PRKCH: variants seen among roughly 807,000 people sequenced by gnomAD.
PRKCH encodes protein kinase C eta type.
Under a neutral mutation model 82.5 loss-of-function variants are expected in PRKCH, and 28 were observed. The ratio of observed to expected loss-of-function variants is 0.34; its 90% CI spans 0.25 to 0.47. PRKCH has a LOEUF of 0.47. Among genes scored for constraint, PRKCH ranks in the 20% least tolerant of loss-of-function variants. PRKCH has a pLI of 1.00. For synonymous variants in PRKCH, 322 were observed against 327.4 expected, an observed-to-expected ratio of 0.98 and a Z score of 0.18; for missense variants, 705 against 881.8, an observed-to-expected ratio of 0.80 and a Z score of 2.54.
intron 2 of PRKCH, among the ~76,000 whole-genome samples, chr14:61,425,300 A>G (rs1234121190): frequency 6.6e-6 from 1 of 152,212 alleles, no homozygotes; most frequent in Non-Finnish European, 1.5e-5. Flanking sequence ...ACACCAGCCT[A>G]TGAAAGCAGC....
chr14:61,465,392 A>AT (rs746006963), intron 9 of PRKCH, among the ~76,000 whole-genome samples: 9 of 152,154 alleles, frequency 5.9e-5, no homozygotes, highest in South Asian at 2.1e-4. Flanking sequence ...TTTTTCAGTG[A>AT]TTTTTTTATG....
intron 1 of PRKCH, among the ~76,000 whole-genome samples, chr14:61,241,538 A>T (rs901965190): frequency 6.6e-6 from 1 of 152,116 alleles, no homozygotes; most frequent in Non-Finnish European, 1.5e-5. Context: ...ACTCATTAGC[A>T]TACAAAAAGA....
chr14:61,456,226 G>A (rs1884760263), intron 7 of PRKCH, among the ~76,000 whole-genome samples: 1 of 152,178 alleles, frequency 6.6e-6, no homozygotes, highest in African/African-American at 2.4e-5. Flanking sequence ...GGAGAGGCTG[G>A]GTAGGTAACT....
At chr14:61,507,459 G>C (rs945143546) in intron 10 of PRKCH, among the ~76,000 whole-genome samples, 1 of 152,114 alleles carries the variant, frequency 6.6e-6, no homozygotes, top group African/African-American at 2.4e-5. Flanking sequence ...ATTGGAATCT[G>C]GATCTCAGAG....
At chr14:61,523,400 T>A (rs2042929217) in intron 10 of PRKCH, among the ~76,000 whole-genome samples, 1 of 152,198 alleles carries the variant, frequency 6.6e-6, no homozygotes, top group Non-Finnish European at 1.5e-5. Flanking sequence ...TGGGAAACAA[T>A]CTATCCGGGG....
At chr14:61,477,553 G>C (rs78946285) in intron 9 of PRKCH, among the ~76,000 whole-genome samples, 1 of 152,080 alleles carries the variant, frequency 6.6e-6, no homozygotes, top group Non-Finnish European at 1.5e-5. Context: ...AAAAAGTCTC[G>C]CTTACAGTAA....
intron 10 of PRKCH, among the ~76,000 whole-genome samples, chr14:61,494,823 A>G (rs1400668060): frequency 6.6e-6 from 1 of 152,254 alleles, no homozygotes; most frequent in Admixed American, 6.5e-5. Flanking sequence ...ACCAGTCTCT[A>G]TAGTAAACTC....
intron 2 of PRKCH, among the ~76,000 whole-genome samples, chr14:61,406,648 A>T (rs1881967898): frequency 6.6e-6 from 1 of 152,188 alleles, no homozygotes; most frequent in Non-Finnish European, 1.5e-5. Context: ...AATTTCATTC[A>T]TCTTATATTT....
intron 1 of PRKCH, among the ~76,000 whole-genome samples, chr14:61,249,049 G>A (rs2044915254): frequency 6.6e-6 from 1 of 152,108 alleles, no homozygotes; most frequent in Admixed American, 6.6e-5. Context: ...TGACTCGCCT[G>A]CCTCGGCCTC....
chr14:61,350,281 T>C (rs2046054058), intron 1 of PRKCH, among the ~76,000 whole-genome samples: 1 of 152,220 alleles, frequency 6.6e-6, no homozygotes, highest in Non-Finnish European at 1.5e-5. Flanking sequence ...GCTTGCTTGT[T>C]AGTTACCTGT....
At chr14:61,300,552 G>T (rs2140103825) in intron 1 of PRKCH, among the ~76,000 whole-genome samples, 1 of 152,326 alleles carries the variant, frequency 6.6e-6, no homozygotes, top group South Asian at 2.1e-4. Context: ...TATACTGGGA[G>T]ACAAGGGAAC....
chr14:61,204,623 T>C (rs1367803101), intron 1 of PRKCH, among the ~76,000 whole-genome samples: 1 of 151,942 alleles, frequency 6.6e-6, no homozygotes, highest in Non-Finnish European at 1.5e-5. Context: ...TAGTCAAACG[T>C]GCTGGCACAT....
At chr14:61,404,286 T>A (rs1881819088) in intron 2 of PRKCH, among the ~76,000 whole-genome samples, 2 of 152,210 alleles carry the variant, frequency 1.3e-5, no homozygotes, top group Non-Finnish European at 2.9e-5. Context: ...GCAGATACAT[T>A]CTTTGTATAT....
At chr14:61,509,743 A>G (rs1464047492) in intron 10 of PRKCH, among the ~76,000 whole-genome samples, 1 of 151,874 alleles carries the variant, frequency 6.6e-6, no homozygotes, top group Non-Finnish European at 1.5e-5. Context: ...AAATAAATAA[A>G]TAAAAATAAA....
intron 1 of PRKCH, among the ~76,000 whole-genome samples, chr14:61,240,145 A>T (rs945638618): frequency 4.0e-5 from 6 of 151,296 alleles, no homozygotes; most frequent in African/African-American, 1.5e-4. Flanking sequence ...TTTGTCTCAC[A>T]CTGATAAGAT....
chr14:61,263,847 T>TTTTGTGTGTGTGTGTGTG (rs1299610392), intron 1 of PRKCH, among the ~76,000 whole-genome samples: 1 of 144,194 alleles, frequency 6.9e-6, no homozygotes, highest in Non-Finnish European at 1.5e-5. Context: ...AGTCAGAGTA[T>TTTTGTGTGTGTGTGTGTG]TGTGTGTGTG....
chr14:61,332,166 T>G (rs988937360), intron 1 of PRKCH, among the ~76,000 whole-genome samples: 8 of 152,236 alleles, frequency 5.3e-5, no homozygotes, highest in African/African-American at 1.9e-4. Flanking sequence ...GCTACCAGTC[T>G]ATGTATCCAC....
At chr14:61,257,581 C>CCT (rs145135094) in intron 1 of PRKCH, among the ~76,000 whole-genome samples, 1 of 147,872 alleles carries the variant, frequency 6.8e-6, no homozygotes, top group Admixed American at 6.9e-5. Flanking sequence ...GATCTTTCTC[C>CCT]CTCTCTCTCT....
intron 10 of PRKCH, among the ~76,000 whole-genome samples, chr14:61,486,774 A>G (rs1194501324): frequency 6.6e-6 from 1 of 151,406 alleles, no homozygotes; most frequent in Admixed American, 6.6e-5. Context: ...TTGGCCTCCT[A>G]AAGTGCTAGG....
Sources: allele counts gnomAD v4.1 joint callset (sites outside exome capture counted in the v4.1 genomes callset), GRCh38; gene constraint gnomAD v4.1.1; transcripts MANE v1.5; gene names NCBI Gene and HGNC (gene_info 2026-07-23, HGNC 2026-07-21).